EHBP1L1: variants seen among roughly 807,000 people sequenced by gnomAD.
EHBP1L1 encodes EH domain-binding protein 1-like protein 1.
In EHBP1L1, 122 loss-of-function variants were observed where a neutral mutation model predicts 151.1. The ratio of observed to expected loss-of-function variants is 0.81; its 90% confidence interval spans 0.70 to 0.94. The LOEUF (loss-of-function observed/expected upper bound fraction) is 0.94, where lower values mean the gene tolerates loss of function less well. Ranked by LOEUF, EHBP1L1 falls within the 40% of genes least tolerant of loss-of-function variation. The probability of loss-of-function intolerance (pLI) is 0.00; values close to 1 mark genes in which losing one functional copy is unlikely to be tolerated. For missense variants in EHBP1L1, 1,941 were observed against 1,959.8 expected, an observed-to-expected ratio of 0.99 and a Z score of 0.18; for synonymous variants, 878 against 810.1, an observed-to-expected ratio of 1.08 and a Z score of -1.42.
chr11:65,580,400 G>A lies in EHBP1L1; in HGVS notation c.555G>A (p.Leu185=). The A allele has an allele frequency of 6.2e-7, 1 of 1,613,766 alleles. No individual in the cohort carries two copies. The highest frequency in any genetic ancestry group is 8.5e-7 in the Non-Finnish European group (1 of 1,179,862). ...TGAAGCCTAGTGATGTGGGCAACTT[G>A]GATGACTTTGCTGAGAGTGATGAAG... ...MSVKPSDVGN[L]DDFAESDEDE... The change falls in exon 6 of 19, where the codon TTG becomes TTA. Residue 185 remains leucine (L), a synonymous_variant. Coordinates refer to ENST00000309295, the MANE Select transcript of EHBP1L1 (RefSeq NM_001099409.3).
rs776576276 is a variant in EHBP1L1, at chr11:65,581,147, G to A, written c.703+21G>A. 2.5e-5 allele frequency: 41 copies of A among 1,612,496 alleles called. No homozygotes were observed. In the South Asian group the frequency reaches 3.6e-4, roughly 14 times the overall value. ...GGCAGGTGAGACCCAGGCTGGGGTT[G>A]GGGGTGGAGACTGGACCCCAGGTCA... On this transcript the variant is annotated intron_variant, in intron 7 of 18. Coordinates refer to ENST00000309295, the MANE Select transcript of EHBP1L1 (RefSeq NM_001099409.3).
In EHBP1L1 at chr11:65,578,788, C is replaced by T. The variant is rs540552437; in HGVS notation, c.105-290C>T. Reference sequence around the variant, plus strand: ...TCCTTGTGTTTCTGTGTGTCTTGGTCTCTGTATGTGCCTGTCCCTTTCTCA... The same window carrying T: ...TCCTTGTGTTTCTGTGTGTCTTGGTTTCTGTATGTGCCTGTCCCTTTCTCA... On this transcript the variant is annotated intron_variant, in intron 1 of 18. Transcript: ENST00000309295. Among the ~76,000 whole-genome samples the T allele has an allele frequency of 4.6e-5, 7 of 152,366 alleles. No individual in the cohort carries two copies. The East Asian group carries it at 1.2e-3, about 25-fold the overall frequency.
chr11:65,583,578 C>G lies in EHBP1L1; in HGVS notation c.2906C>G (p.Ser969Cys). Residue 969 changes from serine (S) to cysteine (C), a missense_variant, in exon 9 of 19, where the codon TCT (serine) becomes TGT (cysteine). By Grantham distance (112) the Ser-to-Cys change is moderately radical. Coordinates refer to ENST00000309295, the MANE Select transcript of EHBP1L1 (RefSeq NM_001099409.3). ...GTTTTAGAGTCTCCAGAGAACAAAT[C>G]TGGTACTTTTAAGGCCCAGGAAGCG... ...MKVLESPENK[S>C]GTFKAQEAEA... is the part of the protein sequence containing the mutation. 6.2e-7 allele frequency: 1 copy of G among 1,607,576 alleles called. No homozygotes were observed. The highest frequency in any genetic ancestry group is 8.5e-7 in the Non-Finnish European group (1 of 1,175,718).
Position 65,591,892 on chromosome 11 carries a change from G to A in EHBP1L1, c.4357+19G>A. On this transcript the variant is annotated intron_variant, in intron 17 of 18. Coordinates refer to ENST00000309295, the MANE Select transcript of EHBP1L1 (RefSeq NM_001099409.3). ...ATCGAAGGTGGGACATGGGCTCAGG[G>A]GCCGGGAGGCAAGACAGAGCCAGGG... is the stretch of plus-strand genomic sequence containing the variant. 6.2e-7 allele frequency: 1 copy of A among 1,603,964 alleles called. No individual in the cohort carries two copies. The highest frequency in any genetic ancestry group is 8.5e-7 in the Non-Finnish European group (1 of 1,175,238).
chr11:65,580,072 G>A lies in EHBP1L1; in HGVS notation c.313-9G>A. 1 of 1,612,498 alleles carries A rather than the reference G, an allele frequency of 6.2e-7. No homozygotes were observed. The highest frequency in any genetic ancestry group is 1.7e-4 in the Middle Eastern group (1 of 6,054). The stretch of plus-strand genomic sequence containing the variant: ...TGCCCCTTCTCCTGGTCTCTCCCCT[G>A]GCCCACAGGAGTCTAAGGGGCAGCG... On this transcript the variant is annotated splice_polypyrimidine_tract_variant and intron_variant, in intron 4 of 18. Coordinates refer to ENST00000309295, the MANE Select transcript of EHBP1L1 (RefSeq NM_001099409.3).
chr11:65,580,310 C>T, intron 5 of EHBP1L1, 27 bp from the exon 6 acceptor site: 1 of 1,613,362 alleles, frequency 6.2e-7, no homozygotes, highest in Non-Finnish European at 8.5e-7. Context: ...TCTGACTCCA[C>T]CCTCACCTTT....
rs1339727774 is a variant in EHBP1L1 at position 65,583,195 on chromosome 11, C to A, written c.2523C>A (p.Ala841=). 6.2e-7 allele frequency: 1 copy of A among 1,613,344 alleles called. No homozygotes were observed. The highest frequency in any genetic ancestry group is 8.5e-7 in the Non-Finnish European group (1 of 1,179,810). Reference sequence around the variant, plus strand: ...GGCTAGAATCTGAGGTAGCTGGGGCCCAGGAGACAGAGGTCGGGGGTTCAG... The same window carrying A: ...GGCTAGAATCTGAGGTAGCTGGGGCACAGGAGACAGAGGTCGGGGGTTCAG... ...VPGLESEVAG[A]QETEVGGSGI... The change falls in exon 9 of 19, where the codon GCC becomes GCA. Residue 841 remains alanine, a synonymous_variant. Coordinates refer to ENST00000309295, the MANE Select transcript of EHBP1L1 (RefSeq NM_001099409.3).
At chr11:65,591,774 G>GCCCCCC in intron 16 of EHBP1L1, 26 bp from the exon 17 acceptor site, 3 of 373,938 alleles carry the variant, frequency 8.0e-6, no homozygotes, top group South Asian at 3.8e-5. Flanking sequence ...CCACCCCCCC[G>GCCCCCC]CCACCCACCC....
At chr11:65,591,602 C>G (rs1312778845) in intron 16 of EHBP1L1, 198 bp from the exon 17 acceptor site, 1 of 627,066 alleles carries the variant, frequency 1.6e-6, no homozygotes, top group East Asian at 2.7e-5. Flanking sequence ...CACAAACACC[C>G]AGCAATTGGA....
chr11:65,585,504 G>C lies in EHBP1L1; in HGVS notation c.3846G>C (p.Leu1282=). The change falls in exon 12 of 19, where the codon CTG becomes CTC. Residue 1282 remains leucine, a synonymous_variant. Coordinates refer to ENST00000309295, the MANE Select transcript of EHBP1L1 (RefSeq NM_001099409.3). This position sits in a 1 kb window ranked among gnomAD's most constrained non-coding sequence, Gnocchi z 4.0. The part of the protein sequence containing the change: ...GSFSHVRDAD[L]LKKRRSRLRN... ...TCTCCCACGTGCGCGACGCGGACCT[G>C]CTCAAGAAGAGGCGCTCGCGGCTGC... is the stretch of plus-strand genomic sequence containing the variant. 6.4e-7 allele frequency: 1 copy of C among 1,562,404 alleles called. No individual in the cohort carries two copies. The highest frequency in any genetic ancestry group is 8.6e-7 in the Non-Finnish European group (1 of 1,160,888).
chr11:65,580,188 G>A lies in EHBP1L1; in HGVS notation c.420G>A (p.Lys140=), dbSNP rs2135243683. 2.5e-6 allele frequency: 4 copies of A among 1,613,646 alleles called. No homozygotes were observed. In the East Asian group the frequency reaches 8.9e-5, roughly 36 times the overall value. ...CAGTGAGGCTGCGGCTGAAGCCAAA[G>A]TCAGTGAAGGTGGTGCAGGCTGAGC... The part of the protein sequence containing the change: ...QVPVRLRLKP[K]SVKVVQAELS... The change falls in exon 5 of 19, where the codon AAG becomes AAA. Residue 140 remains lysine (K), a synonymous_variant. Coordinates refer to ENST00000309295, the MANE Select transcript of EHBP1L1 (RefSeq NM_001099409.3).
chr11:65,580,563 CG>C, intron 6 of EHBP1L1, 84 bp downstream of exon 6: 1 of 1,538,748 alleles, frequency 6.5e-7, no homozygotes. Context: ...TTGCTGTGCC[CG>C]CCCTGTGATG....
At chr11:65,578,954 G>T in intron 1 of EHBP1L1, 124 bp from the exon 2 acceptor site, 1 of 929,864 alleles carries the variant, frequency 1.1e-6, no homozygotes, top group Non-Finnish European at 1.6e-6. Context: ...TCTTCTGGAG[G>T]AGGGGGAGGT....
At chr11:65,588,428 G>A (rs1222048163) in intron 12 of EHBP1L1, among the ~76,000 whole-genome samples, 24 of 152,200 alleles carry the variant, frequency 1.6e-4, no homozygotes, top group Admixed American at 1.6e-3. Flanking sequence ...TACACCGGGG[G>A]TGAAGGTGTC....
intron 12 of EHBP1L1, among the ~76,000 whole-genome samples, chr11:65,588,821 T>C (rs1037058669): frequency 6.6e-5 from 10 of 152,244 alleles, no homozygotes; most frequent in African/African-American, 2.4e-4. Context: ...TTGTCCTGTG[T>C]GTGTGAGCAT....
Position 65,589,948 on chromosome 11 carries a change from C to T in EHBP1L1, c.4016C>T (p.Pro1339Leu). The change falls in exon 14 of 19, where the codon CCC becomes CTC. Residue 1339 changes from proline (P) to leucine (L), a missense_variant. Coordinates refer to ENST00000309295, the MANE Select transcript of EHBP1L1 (RefSeq NM_001099409.3). ...DSQQPPGGSS[P>L]SEEPPPSPGE... ...TCTCTGTCTGCAGGTGGGAGTTCCC[C>T]CTCGGAGGAACCACCCCCAAGCCCA... 3.2e-6 allele frequency: 5 copies of T among 1,570,564 alleles called. No individual in the cohort carries two copies. The highest frequency in any genetic ancestry group is 4.3e-6 in the Non-Finnish European group (5 of 1,154,564).
intron 6 of EHBP1L1, 105 bp downstream of exon 6, chr11:65,580,584 T>G: frequency 6.8e-7 from 1 of 1,466,280 alleles, no homozygotes. Context: ...GGGAACTCAT[T>G]ACTGCCCAGG....
intron 9 of EHBP1L1, 110 bp downstream of exon 9, chr11:65,583,875 G>C (rs566870486): frequency 3.5e-6 from 5 of 1,424,198 alleles, no homozygotes; most frequent in African/African-American, 1.4e-5. Context: ...CGGGTGGGGT[G>C]GGGGGCTCAG....
rs778752732 is a variant in EHBP1L1 at position 65,582,059 on chromosome 11, CAG to C, written c.1388_1389del (p.Gln463ArgfsTer10). On this transcript the variant is annotated frameshift_variant, in exon 9 of 19. Coordinates refer to ENST00000309295, the MANE Select transcript of EHBP1L1 (RefSeq NM_001099409.3). LOFTEE classifies it high-confidence loss of function. ...CCCTGAGGCTCCTCCAAGGGGCTCT[CAG>C]GGGAGGCTGGGAGTCAGGACCAGGG... ...GTPEAPPRGS[Q>X]GRLGVRTRDE... 9 of 1,612,742 alleles carry C rather than the reference CAG, an allele frequency of 5.6e-6. No homozygotes were observed. The highest frequency in any genetic ancestry group is 2.7e-5 in the African/African-American group (2 of 74,910).
Sources: gnomAD v4.1 joint callset for allele counts (sites outside exome capture counted in the v4.1 genomes callset) on GRCh38, gnomAD v4.1.1 for gene constraint, Gnocchi (gnomAD v3.1) non-coding constraint, MANE v1.5 for transcripts, NCBI Gene and HGNC (gene_info 2026-07-23, HGNC 2026-07-21) for gene names.